Variants in ALDH4A1 observed in about 807,000 individuals in gnomAD.
ALDH4A1 encodes the protein delta-1-pyrroline-5-carboxylate dehydrogenase, mitochondrial.
Under a neutral mutation model 70.5 loss-of-function variants are expected in ALDH4A1, and 46 were observed. The observed-to-expected ratio is 0.65, with a 90% CI of 0.51 to 0.83. The LOEUF is 0.83. ALDH4A1 is among the 40% of genes least tolerant of loss of function. The pLI, the probability that ALDH4A1 is intolerant of heterozygous loss-of-function variation, is 0.00. For synonymous variants in ALDH4A1, 323 were observed against 324.3 expected (o/e 1.00, Z 0.04); for missense variants, 749 against 766.5 (o/e 0.98, Z 0.27).
Position 18,885,598 on chromosome 1 carries a change from G to GGGCAGCCTC in ALDH4A1, c.319_327dup (p.Glu107_Ala109dup). ...AGGTCCCACTCTTTCCGGGCAGCCA[G>GGGCAGCCTC]GGCAGCCTCAATGGCTTTGTTGAGC... On this transcript the variant is annotated inframe_insertion, in exon 5 of 15. Transcript: ENST00000375341. 6.2e-7 allele frequency: 1 copy of GGGCAGCCTC among 1,614,006 alleles called. No individual in the cohort carries two copies. The highest frequency in any genetic ancestry group is 8.5e-7 in the Non-Finnish European group (1 of 1,180,006).
chr1:18,899,689 T>C (rs1220591857), intron 1 of ALDH4A1, among the ~76,000 whole-genome samples: 4 of 152,166 alleles, frequency 2.6e-5, no homozygotes, highest in Admixed American at 6.5e-5. Flanking sequence ...CCCTACATCA[T>C]AGGTTGCTGA....
At chr1:18,882,209 C>T (rs1054654663) in intron 7 of ALDH4A1, among the ~76,000 whole-genome samples, 11 of 152,216 alleles carry the variant, frequency 7.2e-5, no homozygotes, top group Non-Finnish European at 1.5e-4. Flanking sequence ...TCACCGGGCG[C>T]GGCGGGGCAA....
intron 9 of ALDH4A1, among the ~76,000 whole-genome samples, chr1:18,878,119 C>T (rs1934805067): frequency 6.6e-6 from 1 of 152,188 alleles, no homozygotes. Context: ...AGACAGGTCA[C>T]TTCACTCTCC....
intron 4 of ALDH4A1, 114 bp downstream of exon 4, chr1:18,886,350 C>G (rs1935199427): frequency 7.9e-7 from 1 of 1,271,034 alleles, no homozygotes. Context: ...CCCACCATGG[C>G]CAAAGAAGGA....
chr1:18,890,167 C>A, intron 1 of ALDH4A1, 62 bp from the exon 2 acceptor site: 10 of 1,398,756 alleles, frequency 7.1e-6, no homozygotes, highest in East Asian at 2.4e-5. Flanking sequence ...CACCAGACCC[C>A]AGCCCCTCTA....
At position 18,901,955 on chromosome 1, in the gene ALDH4A1, C is replaced by A. The variant is rs75473308; in HGVS notation, c.62+507G>T. ...GAAAAAAAAAAAAAAAAACGGGCGGCGGGGTGTGTGGGGAGCGGAAAAGAG... is the reference window on the plus strand; with the variant it reads ...GAAAAAAAAAAAAAAAAACGGGCGGAGGGGTGTGTGGGGAGCGGAAAAGAG... On this transcript the variant is annotated intron_variant, in intron 1 of 14. Coordinates refer to ENST00000375341, the MANE Select transcript of ALDH4A1 (RefSeq NM_003748.4). Among the ~76,000 whole-genome samples the A allele has an allele frequency of 2.7e-3, 362 of 134,248 alleles. 7 individuals are homozygous for A. In the East Asian group the frequency reaches 0.038, roughly 14 times the overall value. 88.1% of individuals were successfully genotyped at this position (134,248 alleles called of 152,430 possible).
intron 5 of ALDH4A1, 42 bp downstream of exon 5, chr1:18,885,431 A>ACCCCCCCCCCCCCCCCCCCCCCCCGGCCC: frequency 1.0e-5 from 5 of 478,970 alleles, no homozygotes; most frequent in South Asian, 6.8e-5. Context: ...CCTGACTCCC[A>ACCCCCCCCCCCCCCCCCCCCCCCCGGCCC]CCCCACCCCG....
chr1:18,897,148 C>G (rs1286752433), intron 1 of ALDH4A1: 1 of 501,580 alleles, frequency 2.0e-6, no homozygotes, highest in Non-Finnish European at 4.1e-6. Context: ...ACGTGACGCT[C>G]AAAGGAAATG....
Position 18,889,422 on chromosome 1 carries a change from G to A in ALDH4A1, c.189C>T (p.Ala63=). The change falls in exon 3 of 15, where the codon GCC becomes GCT. Residue 63 remains alanine, a synonymous_variant. Coordinates refer to ENST00000375341, the MANE Select transcript of ALDH4A1 (RefSeq NM_003748.4). Reference sequence around the variant, plus strand: ...CCTCATCCCCCACCACGCATGGGATGGCTTCCATCCGGCCCTTCAGGTCCT... The same window carrying A: ...CCTCATCCCCCACCACGCATGGGATAGCTTCCATCCGGCCCTTCAGGTCCT... ...ALKDLKGRME[A]IPCVVGDEEV... 1 of 1,552,722 alleles carries A rather than the reference G, an allele frequency of 6.4e-7. No homozygotes were observed.
At chr1:18,876,600 C>A in intron 11 of ALDH4A1, 133 bp from the exon 12 acceptor site, 1 of 1,041,954 alleles carries the variant, frequency 9.6e-7, no homozygotes, top group East Asian at 2.7e-5. Context: ...GGGTAGGGGA[C>A]GCCAAGGGCA....
chr1:18,884,557 C>A (rs1411197977), intron 5 of ALDH4A1, among the ~76,000 whole-genome samples: 1 of 152,216 alleles, frequency 6.6e-6, no homozygotes, highest in Non-Finnish European at 1.5e-5. Context: ...AGCTGTCATG[C>A]CAGCTCTGTG....
At chr1:18,874,199 G>T (rs998035304) in intron 14 of ALDH4A1, among the ~76,000 whole-genome samples, 1 of 152,220 alleles carries the variant, frequency 6.6e-6, no homozygotes, top group South Asian at 2.1e-4. Context: ...CTATGGTGCA[G>T]AAAGTGCGGC....
chr1:18,901,052 C>G (rs1044892525), intron 1 of ALDH4A1: 6 of 253,412 alleles, frequency 2.4e-5, no homozygotes, highest in Non-Finnish European at 3.7e-5. Context: ...TCCCTGGGTA[C>G]CCCTCATCTC....
chr1:18,897,320 A>G (rs996993582), intron 1 of ALDH4A1, among the ~76,000 whole-genome samples: 13 of 152,132 alleles, frequency 8.5e-5, no homozygotes, highest in African/African-American at 3.1e-4. Context: ...AAGAGGGCGG[A>G]TCACTTGAGG....
At chr1:18,901,980 G>A (rs974359006) in intron 1 of ALDH4A1, among the ~76,000 whole-genome samples, 4 of 151,116 alleles carry the variant, frequency 2.6e-5, no homozygotes, top group African/African-American at 9.7e-5. Context: ...GCGGAAAAGA[G>A]AGAGGTAGAA....
chr1:18,879,661 A>C (rs905212948), intron 8 of ALDH4A1, among the ~76,000 whole-genome samples: 6 of 152,198 alleles, frequency 3.9e-5, no homozygotes, highest in African/African-American at 1.4e-4. Context: ...TCTGCACCTC[A>C]TCTGGGAAAC....
Position 18,892,743 on chromosome 1 carries a change from G to A in ALDH4A1, c.63-2638C>T, listed in dbSNP as rs1935486157. 3.3e-5 allele frequency among the ~76,000 whole-genome samples: 5 copies of A among 151,282 alleles called. No homozygotes were observed. In the South Asian group the frequency reaches 8.4e-4, roughly 25 times the overall value. On this transcript the variant is annotated intron_variant, in intron 1 of 14. Coordinates refer to ENST00000375341, the MANE Select transcript of ALDH4A1 (RefSeq NM_003748.4). The stretch of plus-strand genomic sequence containing the variant: ...ACCCCCACTCTGCCTCCCACTAGCT[G>A]TGTGACCTTGGGCAAGTCACATGTC...
At position 18,876,372 on chromosome 1, in the gene ALDH4A1, G is replaced by C; in HGVS notation, c.1281C>G (p.Tyr427Ter). ...TCTCCACGATGCAGGGCTCCACAAA[G>C]TAGCCCACGGAGTCATCACACTTGC... ...AGGKCDDSVGYFVEPCIVESK... is the reference protein window; with the variant it reads ...AGGKCDDSVG Residue 427 changes from tyrosine to a stop codon, truncating the protein, a stop_gained, in exon 12 of 15, where the codon TAC becomes TAG. Transcript: ENST00000375341. LOFTEE classifies it high-confidence loss of function. 6.2e-7 allele frequency: 1 copy of C among 1,613,894 alleles called. No homozygotes were observed. Among genetic ancestry groups the C allele is most frequent in the Non-Finnish European group, 8.5e-7 (1 of 1,179,976 alleles).
At chr1:18,875,652 C>G in intron 12 of ALDH4A1, 149 bp from the exon 13 acceptor site, 1 of 1,283,434 alleles carries the variant, frequency 7.8e-7, no homozygotes. Flanking sequence ...CAGGTGTCGC[C>G]TCCTCCTGGG....
Sources: allele counts gnomAD v4.1 joint callset (sites outside exome capture counted in the v4.1 genomes callset), GRCh38; gene constraint gnomAD v4.1.1; transcripts MANE v1.5; gene names NCBI Gene and HGNC (gene_info 2026-07-23, HGNC 2026-07-21).